The following SPOCK1 variants were observed in gnomAD, a reference collection of about 807,000 sequenced individuals.
SPOCK1 encodes the protein SPARC (osteonectin), cwcv and kazal like domains proteoglycan 1.
SPOCK1 carries 23 observed loss-of-function variants against 55.3 expected under a neutral mutation model. The ratio of observed to expected loss-of-function variants is 0.42; its 90% CI spans 0.30 to 0.59. SPOCK1 has a LOEUF of 0.59. Among genes scored for constraint, SPOCK1 ranks in the 20% least tolerant of loss-of-function variants. The pLI is 0.22. For missense variants in SPOCK1, 499 were observed against 552.5 expected (o/e 0.90, Z 0.97); for synonymous variants, 226 against 221.0 (o/e 1.02, Z -0.20).
At chr5:137,290,801 C>A (rs1382995154) in intron 2 of SPOCK1, among the ~76,000 whole-genome samples, 2 of 152,202 alleles carry the variant, frequency 1.3e-5, no homozygotes, top group Admixed American at 6.5e-5. Flanking sequence ...AGGCGTACAT[C>A]CCACAGTTAG....
At chr5:137,491,360 C>A (rs1754174040) in intron 2 of SPOCK1, among the ~76,000 whole-genome samples, 1 of 152,180 alleles carries the variant, frequency 6.6e-6, no homozygotes, top group African/African-American at 2.4e-5. Context: ...TATTATCCAT[C>A]ATCATTTTCA....
chr5:137,468,386 G>T (rs1753665287), intron 2 of SPOCK1, among the ~76,000 whole-genome samples: 2 of 152,178 alleles, frequency 1.3e-5, no homozygotes, highest in South Asian at 4.1e-4. Flanking sequence ...TTTGAATTCT[G>T]CCCAGCGCTT....
chr5:137,100,251 T>C (rs1179683390), intron 5 of SPOCK1, among the ~76,000 whole-genome samples: 1 of 152,200 alleles, frequency 6.6e-6, no homozygotes, highest in African/African-American at 2.4e-5. Flanking sequence ...TCCTTTTTTG[T>C]AGGGCTAGAT....
At chr5:137,140,756 T>A (rs970285051) in intron 3 of SPOCK1, 62 bp from the exon 4 acceptor site, 2 of 1,084,452 alleles carry the variant, frequency 1.8e-6, no homozygotes, top group East Asian at 2.8e-5. Context: ...AATTTTTTTT[T>A]TTTTTTTTTT....
rs1343691789 is a variant in SPOCK1 at position 137,066,987 on chromosome 5, C to CACACACACACAGAGAGAGAGAGAGAG, written c.589+727_589+728insCTCTCTCTCTCTCTCTGTGTGTGTGT. ...ATACACACACACACACACACACACACAGAGAGAGAGAGAGAGAGAGAGAAA... is the reference window on the plus strand; with the variant it reads ...ATACACACACACACACACACACACACACACACACACAGAGAGAGAGAGAGAGAGAGAGAGAGAGAGAGAGAGAGAAA... On this transcript the variant is annotated intron_variant, in intron 6 of 10. Coordinates refer to ENST00000394945, the MANE Select transcript of SPOCK1 (RefSeq NM_004598.4). 1.2e-3 allele frequency among the ~76,000 whole-genome samples: 166 copies of CACACACACACAGAGAGAGAGAGAGAG among 139,624 alleles called. 2 individuals are homozygous for CACACACACACAGAGAGAGAGAGAGAG. The highest frequency in any genetic ancestry group is 3.8e-3 in the Middle Eastern group (1 of 262). 91.6% of individuals were successfully genotyped at this position (139,624 alleles called of 152,430 possible).
chr5:137,398,028 T>A (rs190682471), intron 2 of SPOCK1, among the ~76,000 whole-genome samples: 2 of 152,150 alleles, frequency 1.3e-5, no homozygotes, highest in East Asian at 3.9e-4. Context: ...GGGTCAATCC[T>A]CGGTAGCCTG....
intron 6 of SPOCK1, among the ~76,000 whole-genome samples, chr5:137,030,910 C>T (rs1376618157): frequency 2.6e-5 from 4 of 152,078 alleles, no homozygotes; most frequent in African/African-American, 9.7e-5. Flanking sequence ...AAAACTGATT[C>T]GAGGGGAGTT....
intron 2 of SPOCK1, among the ~76,000 whole-genome samples, chr5:137,313,912 G>T (rs1416195290): frequency 6.7e-6 from 1 of 148,452 alleles, no homozygotes; most frequent in Admixed American, 6.8e-5. Context: ...ACTGACATAC[G>T]CTCACAACAG....
At chr5:137,498,872 A>C (rs1754371123) in intron 1 of SPOCK1, among the ~76,000 whole-genome samples, 1 of 150,834 alleles carries the variant, frequency 6.6e-6, no homozygotes, top group South Asian at 2.1e-4. Context: ...CCCTCCCCAG[A>C]AGCGGGGAGC....
chr5:137,419,386 T>C (rs1448751412), intron 2 of SPOCK1, among the ~76,000 whole-genome samples: 4 of 152,212 alleles, frequency 2.6e-5, no homozygotes, highest in Non-Finnish European at 5.9e-5. Flanking sequence ...ATAAATTACC[T>C]TGGGCAGTAT....
intron 2 of SPOCK1, among the ~76,000 whole-genome samples, chr5:137,498,003 G>C (rs1464496043): frequency 6.6e-6 from 1 of 152,016 alleles, no homozygotes; most frequent in Non-Finnish European, 1.5e-5. Context: ...GGTTTTCTCC[G>C]GAGCTAGGGA....
At chr5:137,203,472 C>T (rs560627891) in intron 3 of SPOCK1, among the ~76,000 whole-genome samples, 1 of 152,146 alleles carries the variant, frequency 6.6e-6, no homozygotes, top group East Asian at 1.9e-4. Context: ...TGGCTCCAGG[C>T]CTAAGCAGCT....
At chr5:137,187,881 T>C (rs1023146908) in intron 3 of SPOCK1, among the ~76,000 whole-genome samples, 1 of 152,184 alleles carries the variant, frequency 6.6e-6, no homozygotes, top group Non-Finnish European at 1.5e-5. Flanking sequence ...TTCTGACACA[T>C]GGAAGGGTTA....
chr5:137,013,273 A>G (rs1751387632), intron 6 of SPOCK1, among the ~76,000 whole-genome samples: 1 of 152,202 alleles, frequency 6.6e-6, no homozygotes, highest in Non-Finnish European at 1.5e-5. Flanking sequence ...TGTATGTGGT[A>G]TAAGACAAAA....
At chr5:137,231,698 C>T (rs186333378) in intron 3 of SPOCK1, among the ~76,000 whole-genome samples, 88 of 152,350 alleles carry the variant, frequency 5.8e-4, no homozygotes, top group South Asian at 1.2e-3. Context: ...TGCTAATAAA[C>T]ACTCATGTGC....
At chr5:137,283,707 C>T (rs1757209751) in intron 2 of SPOCK1, among the ~76,000 whole-genome samples, 1 of 151,728 alleles carries the variant, frequency 6.6e-6, no homozygotes, top group South Asian at 2.1e-4. Context: ...AGAGCAAAAC[C>T]CTATCTCAAA....
chr5:137,380,134 G>T (rs546402637), intron 2 of SPOCK1, among the ~76,000 whole-genome samples: 4 of 152,140 alleles, frequency 2.6e-5, no homozygotes, highest in Non-Finnish European at 4.4e-5. Flanking sequence ...TGTGAATCAC[G>T]CTCCATCTAT....
intron 3 of SPOCK1, among the ~76,000 whole-genome samples, chr5:137,242,203 A>G (rs1756295966): frequency 6.6e-6 from 1 of 152,132 alleles, no homozygotes; most frequent in South Asian, 2.1e-4. Context: ...CCCCATTGAT[A>G]TGGTTTGGCT....
intron 6 of SPOCK1, among the ~76,000 whole-genome samples, chr5:137,023,707 A>AT (rs1751615794): frequency 1.3e-5 from 2 of 150,710 alleles, no homozygotes; most frequent in South Asian, 4.2e-4. Context: ...TACCCTAATT[A>AT]TCACGAGAGG....
Sources: allele counts gnomAD v4.1 joint callset (sites outside exome capture counted in the v4.1 genomes callset), GRCh38; gene constraint gnomAD v4.1.1; transcripts MANE v1.5; gene names NCBI Gene and HGNC (gene_info 2026-07-23, HGNC 2026-07-21).